The following KLF9 variants were observed in gnomAD, a reference collection of about 807,000 sequenced individuals.
KLF9 encodes Krueppel-like factor 9.
A neutral mutation model predicts 17.3 loss-of-function variants in KLF9; 2 were observed. That is an observed-to-expected ratio of 0.12 (90% confidence interval 0.05 to 0.36). The LOEUF is 0.36. Ranked by LOEUF, KLF9 falls within the 10% of genes least tolerant of loss-of-function variation. The pLI is 1.00. For missense variants in KLF9, 226 were observed against 333.2 expected (o/e 0.68, Z 2.51); for synonymous variants, 138 against 139.2 (o/e 0.99, Z 0.06).
In KLF9 at chr9:70,412,996, G is replaced by T. The variant is rs1243713548; in HGVS notation, c.368C>A (p.Pro123Gln). 6.2e-7 allele frequency: 1 copy of T among 1,614,132 alleles called. No homozygotes were observed. The highest frequency in any genetic ancestry group is 8.5e-7 in the Non-Finnish European group (1 of 1,180,020). ...CACTCCAGGATGGAGGAGGGAGAGC[G>T]GGCTGGGCGCGCTGCCAGGATCCTG... ...ERQDPGSAPS[P>Q]LSLLHPGVAA... is the part of the protein sequence containing the mutation. Residue 123 changes from proline to glutamine, a missense_variant, in exon 1 of 2, where the codon CCG (proline) becomes CAG (glutamine). By Grantham distance (76) the Pro-to-Gln change is moderately conservative (BLOSUM62 -1). Transcript: ENST00000377126.
intron 1 of KLF9, among the ~76,000 whole-genome samples, chr9:70,390,184 A>T (rs544338648): frequency 6.6e-6 from 1 of 152,350 alleles, no homozygotes; most frequent in South Asian, 2.1e-4. Context: ...TGTACAACGT[A>T]CTTTTCGAGG....
intron 1 of KLF9, among the ~76,000 whole-genome samples, chr9:70,395,388 G>C (rs1036442188): frequency 9.7e-6 from 1 of 102,852 alleles, no homozygotes; most frequent in Non-Finnish European, 2.0e-5. Context: ...AGCATTTTTA[G>C]AATCCTGGAA....
rs2118902300 is a variant in KLF9, at chr9:70,385,024, A to G, written c.*2752T>C. 1 of 152,494 alleles carries G rather than the reference A, an allele frequency of 6.6e-6. No homozygotes were observed. Among genetic ancestry groups the G allele is most frequent in the East Asian group, 1.9e-4 (1 of 5,198 alleles). 9.4% of individuals were successfully genotyped at this position (152,494 alleles called of 1,614,324 possible). ...GATATCTTAACTCTAAAACTATTAA[A>G]TTTTCCAGAATATGACAACTACTTA... On this transcript the variant is annotated 3_prime_UTR_variant, in exon 2 of 2. Transcript: ENST00000377126.
In KLF9 at chr9:70,391,763, A is replaced by G. The variant is rs2037154658; in HGVS notation, c.506-3758T>C. ...CCATGAGCTAAGAATAGCTTATACC[A>G]TTCTTATATTCGGTTTTTACCAAGT... is the stretch of plus-strand genomic sequence containing the variant. On this transcript the variant is annotated intron_variant, in intron 1 of 1. Transcript: ENST00000377126. Among the ~76,000 whole-genome samples, 3 of 152,240 alleles carry G rather than the reference A, an allele frequency of 2.0e-5. No homozygotes were observed. In the South Asian group the frequency reaches 6.2e-4, roughly 31 times the overall value.
In KLF9 at chr9:70,387,573, G is replaced by C. The variant is rs2037122525; in HGVS notation, c.*203C>G. ...AGAGTTGCCTCTTCAAGGGGACCGA[G>C]TGTTGTTGACTTTGATCTTAGGCTA... is the stretch of plus-strand genomic sequence containing the variant. On this transcript the variant is annotated 3_prime_UTR_variant, in exon 2 of 2. Coordinates refer to ENST00000377126, the MANE Select transcript of KLF9 (RefSeq NM_001206.4). The C allele has an allele frequency of 1.7e-6, 1 of 583,826 alleles. No homozygotes were observed. Among genetic ancestry groups the C allele is most frequent in the African/African-American group, 1.9e-5 (1 of 53,690 alleles). The allele number at this position is 583,826 out of a possible 1,614,324, so 36.2% of individuals were successfully genotyped here. A position where few individuals can be genotyped will look rare whatever the true frequency, so the allele number is the denominator to read the frequency against.
At chr9:70,390,535 C>T (rs1007820725) in intron 1 of KLF9, among the ~76,000 whole-genome samples, 3 of 152,182 alleles carry the variant, frequency 2.0e-5, no homozygotes, top group Non-Finnish European at 4.4e-5. Context: ...CAGATTGTTA[C>T]AACCCCATCA....
At chr9:70,391,752 T>C (rs1366354353) in intron 1 of KLF9, among the ~76,000 whole-genome samples, 1 of 152,234 alleles carries the variant, frequency 6.6e-6, no homozygotes, top group African/African-American at 2.4e-5. Flanking sequence ...GAGCTAAGAA[T>C]AGCTTATACC....
intron 1 of KLF9, among the ~76,000 whole-genome samples, chr9:70,391,612 G>A (rs2037153680): frequency 1.3e-5 from 2 of 152,144 alleles, no homozygotes. Context: ...GAAGTGAGTT[G>A]CTAGTATAAA....
chr9:70,388,052 A>T (rs772940823), intron 1 of KLF9, 47 bp from the exon 2 acceptor site: 39 of 1,518,376 alleles, frequency 2.6e-5, no homozygotes, highest in African/African-American at 4.1e-5. Flanking sequence ...AACATGAAAA[A>T]AATTCCGAAG....
intron 1 of KLF9, among the ~76,000 whole-genome samples, chr9:70,397,345 C>T (rs955560242): frequency 1.3e-5 from 2 of 151,846 alleles, no homozygotes; most frequent in South Asian, 2.1e-4. Context: ...CATGGTGGCA[C>T]ATGCCTGTAA....
At chr9:70,389,275 A>G (rs957748042) in intron 1 of KLF9, among the ~76,000 whole-genome samples, 16 of 152,208 alleles carry the variant, frequency 1.1e-4, no homozygotes, top group African/African-American at 3.4e-4. Flanking sequence ...TATTCCTCAT[A>G]AAAGATGAAC....
intron 1 of KLF9, among the ~76,000 whole-genome samples, chr9:70,404,901 A>G (rs2037246164): frequency 6.6e-6 from 1 of 152,164 alleles, no homozygotes; most frequent in Admixed American, 6.6e-5. Flanking sequence ...ACAGGATTCA[A>G]AAACCCATGT....
intron 1 of KLF9, among the ~76,000 whole-genome samples, chr9:70,403,672 C>T (rs2037239373): frequency 6.6e-6 from 1 of 152,150 alleles, no homozygotes; most frequent in African/African-American, 2.4e-5. Context: ...GTAACCTGAA[C>T]CAATAAAGTT....
At chr9:70,390,401 A>C (rs2037145864) in intron 1 of KLF9, among the ~76,000 whole-genome samples, 1 of 152,170 alleles carries the variant, frequency 6.6e-6, no homozygotes, top group Admixed American at 6.5e-5. Context: ...AAGAGGAAAA[A>C]AAAAAGAGTT....
rs1439808077 is a variant in KLF9, at chr9:70,413,461, C to G, written c.-98G>C. On this transcript the variant is annotated 5_prime_UTR_variant, in exon 1 of 2. Transcript: ENST00000377126. The surrounding 1 kb of genome is among the most constrained non-coding windows in gnomAD (Gnocchi z 5.6). ...CTGGCCTCGGACGACGAGCGCGGCGCGGCGCGGCACGGCGCGGCGGCCAAG... is the reference window on the plus strand; with the variant it reads ...CTGGCCTCGGACGACGAGCGCGGCGGGGCGCGGCACGGCGCGGCGGCCAAG... 2.5e-6 allele frequency: 3 copies of G among 1,191,254 alleles called. No homozygotes were observed. Among genetic ancestry groups the G allele is most frequent in the Non-Finnish European group, 3.1e-6 (3 of 953,452 alleles). The allele number at this position is 1,191,254 out of a possible 1,614,324, so 73.8% of individuals were successfully genotyped here.
intron 1 of KLF9, among the ~76,000 whole-genome samples, chr9:70,406,962 T>G (rs2037260320): frequency 6.6e-6 from 1 of 151,870 alleles, no homozygotes; most frequent in African/African-American, 2.4e-5. Context: ...CAAAGCTTTT[T>G]TTTTTTTTAA....
rs1444717946 is a variant in KLF9 at position 70,409,208 on chromosome 9, A to G, written c.505+3651T>C. On this transcript the variant is annotated intron_variant, in intron 1 of 1. Transcript: ENST00000377126. The stretch of plus-strand genomic sequence containing the variant: ...TACATATACATGTATATGTATATAT[A>G]TATACATATATGTATATATATATAC... Among the ~76,000 whole-genome samples the G allele has an allele frequency of 6.8e-5, 9 of 133,034 alleles. 1 individual carries two copies. Among genetic ancestry groups the G allele is most frequent in the East Asian group, 6.1e-4 (3 of 4,908 alleles). 87.3% of individuals were successfully genotyped at this position (133,034 alleles called of 152,430 possible).
intron 1 of KLF9, among the ~76,000 whole-genome samples, chr9:70,397,347 T>C (rs2037188033): frequency 2.0e-5 from 3 of 151,958 alleles, no homozygotes; most frequent in Admixed American, 6.6e-5. Flanking sequence ...TGGTGGCACA[T>C]GCCTGTAATC....
intron 1 of KLF9, among the ~76,000 whole-genome samples, chr9:70,407,480 G>A (rs1250993967): frequency 6.6e-6 from 1 of 152,176 alleles, no homozygotes; most frequent in African/African-American, 2.4e-5. Context: ...AAAATCAAGG[G>A]AAACAGTGTG....
Sources: gnomAD v4.1 joint callset for allele counts (sites outside exome capture counted in the v4.1 genomes callset) on GRCh38, gnomAD v4.1.1 for gene constraint, Gnocchi (gnomAD v3.1) non-coding constraint, MANE v1.5 for transcripts, NCBI Gene and HGNC (gene_info 2026-07-23, HGNC 2026-07-21) for gene names.